The following ANKH variants were observed in gnomAD, a reference collection of about 807,000 sequenced individuals.
ANKH encodes mineralization regulator ANKH.
ANKH carries 15 observed loss-of-function variants against 49.0 expected under a neutral mutation model. The ratio of observed to expected loss-of-function variants is 0.31; its 90% CI spans 0.20 to 0.47. The LOEUF is 0.47. Ranked by LOEUF, ANKH falls within the 20% of genes least tolerant of loss-of-function variation. ANKH has a pLI of 1.00. For synonymous variants in ANKH, 273 were observed against 260.0 expected (o/e 1.05, Z -0.48); for missense variants, 429 against 652.0 (o/e 0.66, Z 3.72).
At chr5:14,819,168 C>G (rs1741127865) in intron 1 of ANKH, among the ~76,000 whole-genome samples, 1 of 152,200 alleles carries the variant, frequency 6.6e-6, no homozygotes, top group Non-Finnish European at 1.5e-5. Flanking sequence ...GAAAGTAACT[C>G]TCTGGGGAGT....
At chr5:14,723,605 C>T (rs771308708) in intron 8 of ANKH, among the ~76,000 whole-genome samples, 3 of 152,054 alleles carry the variant, frequency 2.0e-5, no homozygotes, top group Non-Finnish European at 4.4e-5. Context: ...CGCCACTGTA[C>T]TCCAGCCTGA....
intron 1 of ANKH, among the ~76,000 whole-genome samples, chr5:14,779,661 T>A (rs937008478): frequency 6.6e-6 from 1 of 152,238 alleles, no homozygotes; most frequent in East Asian, 1.9e-4. Context: ...ATCTTCTAAC[T>A]GTAGGTTTAG....
At chr5:14,757,242 G>A (rs1281103987) in intron 3 of ANKH, among the ~76,000 whole-genome samples, 3 of 151,942 alleles carry the variant, frequency 2.0e-5, no homozygotes, top group African/African-American at 7.3e-5. Flanking sequence ...CTCAGGCACC[G>A]CAGGGAAGCC....
At chr5:14,777,348 A>T (rs1387443666) in intron 1 of ANKH, among the ~76,000 whole-genome samples, 1 of 152,194 alleles carries the variant, frequency 6.6e-6, no homozygotes, top group Admixed American at 6.5e-5. Flanking sequence ...GTATTGAGTG[A>T]GTCATGCAAG....
intron 2 of ANKH, among the ~76,000 whole-genome samples, chr5:14,762,499 C>G (rs1739119676): frequency 6.6e-6 from 1 of 152,186 alleles, no homozygotes; most frequent in Admixed American, 6.5e-5. Context: ...TCAGTCTCTT[C>G]CTCTTTCAGC....
At chr5:14,857,590 G>A (rs1348534047) in intron 1 of ANKH, among the ~76,000 whole-genome samples, 1 of 152,060 alleles carries the variant, frequency 6.6e-6, no homozygotes, top group Admixed American at 6.6e-5. Flanking sequence ...CCTGGGAGGC[G>A]GAGGTTGCAG....
At chr5:14,744,264 G>A (rs1325787651) in intron 7 of ANKH, among the ~76,000 whole-genome samples, 3 of 152,198 alleles carry the variant, frequency 2.0e-5, no homozygotes, top group Non-Finnish European at 4.4e-5. Flanking sequence ...GCATCCTGAT[G>A]CTGCAACTGA....
chr5:14,858,926 A>T (rs1230887137), intron 1 of ANKH, among the ~76,000 whole-genome samples: 1 of 151,984 alleles, frequency 6.6e-6, no homozygotes, highest in Non-Finnish European at 1.5e-5. Context: ...CAATACAATT[A>T]ATAAATTTAG....
chr5:14,718,098 AGACGTAAAGTTCCT>A (rs1737538733), intron 8 of ANKH, among the ~76,000 whole-genome samples: 1 of 152,182 alleles, frequency 6.6e-6, no homozygotes, highest in Admixed American at 6.5e-5. Flanking sequence ...CCAAGAGAAA[AGACGTAAAGTTCCT>A]GAAAATTAGA....
At chr5:14,833,497 C>T (rs550073230) in intron 1 of ANKH, among the ~76,000 whole-genome samples, 133 of 152,308 alleles carry the variant, frequency 8.7e-4, no homozygotes, top group Non-Finnish European at 1.7e-3. Flanking sequence ...GAGGCCAAAA[C>T]GAGATTCTCG....
At chr5:14,849,650 T>C (rs901669735) in intron 1 of ANKH, among the ~76,000 whole-genome samples, 1 of 152,236 alleles carries the variant, frequency 6.6e-6, no homozygotes, top group Non-Finnish European at 1.5e-5. Context: ...CAGTCCAGAA[T>C]GCTCTTTACT....
Position 14,705,938 on chromosome 5 carries a change from C to T in ANKH, c.*5259G>A, listed in dbSNP as rs964859604. 6.6e-6 allele frequency: 1 copy of T among 152,170 alleles called. No homozygotes were observed. Among genetic ancestry groups the T allele is most frequent in the East Asian group, 1.9e-4 (1 of 5,192 alleles). The allele number at this position is 152,170 out of a possible 1,614,324, so 9.4% of individuals were successfully genotyped here. ...ATGTTCCCCTAATGTTCCCCAACTC[C>T]AGAGGCGCCATTTCTTGCCCTGGCT... is the stretch of plus-strand genomic sequence containing the variant. On this transcript the variant is annotated 3_prime_UTR_variant, in exon 12 of 12. Coordinates refer to ENST00000284268, the MANE Select transcript of ANKH (RefSeq NM_054027.6).
intron 1 of ANKH, among the ~76,000 whole-genome samples, chr5:14,787,087 G>A (rs1034252535): frequency 1.3e-5 from 2 of 151,942 alleles, no homozygotes; most frequent in Non-Finnish European, 2.9e-5. Context: ...GCTGAGGCAG[G>A]TGGATCACCT....
At position 14,787,520 on chromosome 5, in the gene ANKH, A is replaced by C. The variant is rs186307782; in HGVS notation, c.97-18329T>G. On this transcript the variant is annotated intron_variant, in intron 1 of 11. Transcript: ENST00000284268. The stretch of plus-strand genomic sequence containing the variant: ...TGGTTATTTTAGGAGAAGTGGGATT[A>C]AGAGGGGCAGGAATGGGACAATTAT... Among the ~76,000 whole-genome samples, 31 of 152,316 alleles carry C rather than the reference A, an allele frequency of 2.0e-4. No individual in the cohort carries two copies. The East Asian group carries it at 5.8e-3, about 28-fold the overall frequency.
At chr5:14,755,030 T>G (rs909212778) in intron 4 of ANKH, among the ~76,000 whole-genome samples, 1 of 144,862 alleles carries the variant, frequency 6.9e-6, no homozygotes, top group Non-Finnish European at 1.5e-5. Flanking sequence ...GAGCCGAGAT[T>G]GTGCCATTCG....
chr5:14,722,892 T>A (rs909476557), intron 8 of ANKH, among the ~76,000 whole-genome samples: 1 of 151,276 alleles, frequency 6.6e-6, no homozygotes, highest in East Asian at 2.0e-4. Context: ...AAGGTCAACA[T>A]CCACGCACAT....
At chr5:14,852,820 C>T (rs1275872069) in intron 1 of ANKH, among the ~76,000 whole-genome samples, 1 of 152,192 alleles carries the variant, frequency 6.6e-6, no homozygotes, top group African/African-American at 2.4e-5. Flanking sequence ...CCCACTCAAG[C>T]TGTCCTGGGT....
At chr5:14,830,979 A>G (rs1741488708) in intron 1 of ANKH, among the ~76,000 whole-genome samples, 1 of 152,236 alleles carries the variant, frequency 6.6e-6, no homozygotes, top group Non-Finnish European at 1.5e-5. Flanking sequence ...TCCCTTCCTC[A>G]GTATGCCTTC....
intron 6 of ANKH, among the ~76,000 whole-genome samples, chr5:14,747,941 A>G (rs1434657322): frequency 6.6e-6 from 1 of 152,172 alleles, no homozygotes; most frequent in Non-Finnish European, 1.5e-5. Flanking sequence ...TATCCATCCC[A>G]TAGGGTTACT....
Sources: allele counts gnomAD v4.1 joint callset (sites outside exome capture counted in the v4.1 genomes callset), GRCh38; gene constraint gnomAD v4.1.1; transcripts MANE v1.5; gene names NCBI Gene and HGNC (gene_info 2026-07-23, HGNC 2026-07-21).